The following GFPT2 variants were observed in gnomAD, a reference collection of about 807,000 sequenced individuals.
GFPT2 encodes glutamine--fructose-6-phosphate transaminase 2, also known as glutamine--fructose-6-phosphate aminotransferase [isomerizing] 2.
In GFPT2, 62 loss-of-function variants were observed where a neutral mutation model predicts 85.6. The ratio of observed to expected loss-of-function variants is 0.72; its 90% CI spans 0.59 to 0.90. The LOEUF (loss-of-function observed/expected upper bound fraction) is 0.90. GFPT2 is among the 40% of genes least tolerant of loss of function. The pLI is 0.00. For synonymous variants in GFPT2, 368 were observed against 344.5 expected (o/e 1.07, Z -0.75); for missense variants, 788 against 893.4 (o/e 0.88, Z 1.50).
At chr5:180,343,047 T>C (rs529321782) in intron 1 of GFPT2, among the ~76,000 whole-genome samples, 1 of 152,198 alleles carries the variant, frequency 6.6e-6, no homozygotes, top group African/African-American at 2.4e-5. Context: ...TAGAGTCTTT[T>C]ACACTGAACT....
chr5:180,326,045 T>C (rs529500563), intron 7 of GFPT2, among the ~76,000 whole-genome samples: 1 of 150,832 alleles, frequency 6.6e-6, no homozygotes, highest in South Asian at 2.1e-4. Flanking sequence ...AATAAATAAA[T>C]AAATAAAAGG....
At chr5:180,311,984 AGGCAGGGAGGTGGGGAGGCTGAGG>A (rs577674387) in intron 15 of GFPT2, among the ~76,000 whole-genome samples, 8,280 of 105,260 alleles carry the variant, frequency 0.079, 451 homozygotes, top group East Asian at 0.17. Flanking sequence ...AGGACCAGGG[AGGCAGGGAGGTGGGGAGGCTGAGG>A]GGCAGGGAGG....
At chr5:180,312,815 CA>C (rs1324605339) in intron 14 of GFPT2, among the ~76,000 whole-genome samples, 1 of 152,020 alleles carries the variant, frequency 6.6e-6, no homozygotes. Flanking sequence ...CTTGCTGTGT[CA>C]CCCAGGCTGG....
rs570491985 is a variant in GFPT2 at position 180,332,077 on chromosome 5, A to T, written c.341-524T>A. On this transcript the variant is annotated intron_variant, in intron 4 of 18. Coordinates refer to ENST00000253778, the MANE Select transcript of GFPT2 (RefSeq NM_005110.4). ...AAAATCCTGGTTTCCTTGGGGGAAAAATCCCAGAAGTTCTGGCATCCCCAG... is the reference window on the plus strand; with the variant it reads ...AAAATCCTGGTTTCCTTGGGGGAAATATCCCAGAAGTTCTGGCATCCCCAG... Among the ~76,000 whole-genome samples the T allele has an allele frequency of 1.9e-3, 289 of 152,294 alleles. 1 individual carries two copies. The South Asian group carries it at 0.026, about 14-fold the overall frequency.
In GFPT2 at chr5:180,353,307, T is replaced by TGGGCTCCGCGGGCTCCGC. The variant is rs1490774353; in HGVS notation, c.-91_-90insGCGGAGCCCGCGGAGCCC. On this transcript the variant is annotated 5_prime_UTR_variant, in exon 1 of 19. Transcript: ENST00000253778. The stretch of plus-strand genomic sequence containing the variant: ...TCCGTGGGCTCCTCCGTGGGCTCCG[T>TGGGCTCCGCGGGCTCCGC]GGGCTCCGTGGGCTCCGCGGGCTCC... 1 of 991,322 alleles carries TGGGCTCCGCGGGCTCCGC rather than the reference T, an allele frequency of 1.0e-6. No homozygotes were observed. Among genetic ancestry groups the TGGGCTCCGCGGGCTCCGC allele is most frequent in the Admixed American group, 4.4e-5 (1 of 22,676 alleles). 61.4% of individuals were successfully genotyped at this position (991,322 alleles called of 1,614,324 possible).
Position 180,328,764 on chromosome 5 carries a change from C to T in GFPT2, c.535-426G>A, listed in dbSNP as rs1338904021. Among the ~76,000 whole-genome samples, 1 of 152,210 alleles carries T rather than the reference C, an allele frequency of 6.6e-6. No individual in the cohort carries two copies. Among genetic ancestry groups the T allele is most frequent in the Non-Finnish European group, 1.5e-5 (1 of 68,034 alleles). On this transcript the variant is annotated intron_variant, in intron 6 of 18. Coordinates refer to ENST00000253778, the MANE Select transcript of GFPT2 (RefSeq NM_005110.4). The surrounding 1 kb of genome is among the most constrained non-coding windows in gnomAD (Gnocchi z 5.4). ...GGCCTGGGTTCAAATCCTGGCTCCA[C>T]CCCTGCACTGGGCTCTCCCTTTAGC...
chr5:180,325,172 C>G lies in GFPT2; in HGVS notation c.597-277G>C, dbSNP rs537404254. 9.8e-5 allele frequency among the ~76,000 whole-genome samples: 15 copies of G among 152,304 alleles called. No homozygotes were observed. The South Asian group carries it at 3.1e-3, about 32-fold the overall frequency. ...GGGCCTCCTCCAGTCCAGTCAAGTCCCCACATGTGACCAACCCACAAGGTT... is the reference window on the plus strand; with the variant it reads ...GGGCCTCCTCCAGTCCAGTCAAGTCGCCACATGTGACCAACCCACAAGGTT... On this transcript the variant is annotated intron_variant, in intron 7 of 18. Coordinates refer to ENST00000253778, the MANE Select transcript of GFPT2 (RefSeq NM_005110.4).
At chr5:180,352,539 G>T (rs756112489) in intron 1 of GFPT2, 17 of 444,578 alleles carry the variant, frequency 3.8e-5, no homozygotes, top group South Asian at 2.7e-4. Context: ...GCCCGGCCCC[G>T]CTCCCCGCCC....
rs1763671798 is a variant in GFPT2, at chr5:180,301,537, G to T, written c.*27C>A. 2 of 1,587,184 alleles carry T rather than the reference G, an allele frequency of 1.3e-6. No individual in the cohort carries two copies. Among genetic ancestry groups the T allele is most frequent in the South Asian group, 1.1e-5 (1 of 90,540 alleles). On this transcript the variant is annotated 3_prime_UTR_variant, in exon 19 of 19. Coordinates refer to ENST00000253778, the MANE Select transcript of GFPT2 (RefSeq NM_005110.4). Reference sequence around the variant, plus strand: ...ACAGGTCTGGAATCAGATGAAAGGTGGTGATGGTCTTGTCACGGTCTCAGC... The same window carrying T: ...ACAGGTCTGGAATCAGATGAAAGGTTGTGATGGTCTTGTCACGGTCTCAGC...
chr5:180,346,364 G>A (rs963564269), intron 1 of GFPT2, among the ~76,000 whole-genome samples: 5 of 152,160 alleles, frequency 3.3e-5, no homozygotes, highest in African/African-American at 9.7e-5. Context: ...GGAGATGCCC[G>A]CCTAGCACCA....
Position 180,330,562 on chromosome 5 carries a change from TA to T in GFPT2, c.534+137del. 1 of 680,300 alleles carries T rather than the reference TA, an allele frequency of 1.5e-6. No individual in the cohort carries two copies. The highest frequency in any genetic ancestry group is 2.5e-6 in the Non-Finnish European group (1 of 398,186). 42.1% of individuals were successfully genotyped at this position (680,300 alleles called of 1,614,324 possible). A position where few individuals can be genotyped will look rare whatever the true frequency, so the allele number is the denominator to read the frequency against. ...CAGGCTCTGCAGATGGGCTGTCTTT[TA>T]TCCCCAGGACTCTGTGCAAGTTTGT... On this transcript the variant is annotated intron_variant, in intron 6 of 18. Coordinates refer to ENST00000253778, the MANE Select transcript of GFPT2 (RefSeq NM_005110.4). The surrounding 1 kb of genome is among the most constrained non-coding windows in gnomAD (Gnocchi z 4.4).
At chr5:180,352,511 G>A (rs781623803) in intron 1 of GFPT2, 1 of 446,660 alleles carries the variant, frequency 2.2e-6, no homozygotes, top group South Asian at 1.6e-5. Context: ...CAGCGCGGGA[G>A]CGCCGCGGGA....
chr5:180,345,874 G>A (rs1764597689), intron 1 of GFPT2, among the ~76,000 whole-genome samples: 1 of 152,188 alleles, frequency 6.6e-6, no homozygotes, highest in African/African-American at 2.4e-5. Flanking sequence ...CACAGAGGCA[G>A]GAGGTCCCTG....
intron 1 of GFPT2, among the ~76,000 whole-genome samples, chr5:180,345,878 GT>G (rs1764597868): frequency 6.6e-6 from 1 of 152,144 alleles, no homozygotes; most frequent in Non-Finnish European, 1.5e-5. Flanking sequence ...GAGGCAGGAG[GT>G]CCCTGAGTGC....
intron 1 of GFPT2, among the ~76,000 whole-genome samples, chr5:180,339,378 CAAAAAAAAAAA>C (rs34123923): frequency 4.6e-5 from 3 of 65,042 alleles, no homozygotes; most frequent in East Asian, 9.2e-4. Flanking sequence ...GACTCTGTCT[CAAAAAAAAAAA>C]AAAAAAAAAA....
intron 1 of GFPT2, among the ~76,000 whole-genome samples, chr5:180,350,822 G>A (rs1281486808): frequency 6.6e-6 from 1 of 152,218 alleles, no homozygotes. Flanking sequence ...GGCTTCCCAT[G>A]AGAGAAGCAG....
In GFPT2 at chr5:180,336,113, C is replaced by T. The variant is rs77022601; in HGVS notation, c.215-160G>A. The T allele has an allele frequency of 9.9e-4, 616 of 620,722 alleles. 2 individuals carry two copies. The African/African-American group carries it at 0.011, about 11-fold the overall frequency. 38.5% of individuals were successfully genotyped at this position (620,722 alleles called of 1,614,324 possible). On this transcript the variant is annotated intron_variant, in intron 3 of 18. Transcript: ENST00000253778. ...AGTCCGCGCAGGCCCACAAACCACC[C>T]GTGCTGAAGGTTATTTACTACTTGT...
At position 180,330,717 on chromosome 5, in the gene GFPT2, T is replaced by C. The variant is rs2127653864; in HGVS notation, c.517A>G (p.Arg173Gly). The C allele has an allele frequency of 6.2e-7, 1 of 1,613,240 alleles. No individual in the cohort carries two copies. The highest frequency in any genetic ancestry group is 8.5e-7 in the Non-Finnish European group (1 of 1,179,150). ...TAACTCACCAACTGCTGAATGACTC[T>C]CTCGACCAACGTTGAAAACGTAATG... ...EDITFSTLVERVIQQLEGAFA... is the reference protein window; with the variant it reads ...EDITFSTLVEGVIQQLEGAFA... Residue 173 changes from arginine to glycine, a missense_variant, in exon 6 of 19, where the codon AGA (arginine) becomes GGA (glycine). Transcript: ENST00000253778. The surrounding 1 kb of genome is among the most constrained non-coding windows in gnomAD (Gnocchi z 4.4).
At chr5:180,317,685 G>A (rs1418355613) in intron 10 of GFPT2, among the ~76,000 whole-genome samples, 1 of 129,464 alleles carries the variant, frequency 7.7e-6, no homozygotes, top group African/African-American at 3.3e-5. Flanking sequence ...CGTGAACCCG[G>A]GAGGCGGAGC....
Sources: gnomAD v4.1 joint callset for allele counts (sites outside exome capture counted in the v4.1 genomes callset) on GRCh38, gnomAD v4.1.1 for gene constraint, Gnocchi (gnomAD v3.1) non-coding constraint, MANE v1.5 for transcripts, NCBI Gene and HGNC (gene_info 2026-07-23, HGNC 2026-07-21) for gene names.